Variants in RAB38 observed in about 807,000 individuals in gnomAD.
The protein encoded by RAB38 is RAB38, member RAS oncogene family, also known as ras-related protein Rab-38.
In RAB38, 15 loss-of-function variants were observed where a neutral mutation model predicts 18.4. The ratio of observed to expected loss-of-function variants is 0.82; its 90% CI spans 0.55 to 1.26. The LOEUF is 1.26. RAB38 is among the 50% of genes most tolerant of loss of function. RAB38 has a pLI of 0.00. For missense variants in RAB38, 294 were observed against 267.4 expected, an observed-to-expected ratio of 1.10 and a Z score of -0.69; for synonymous variants, 101 against 104.4, an observed-to-expected ratio of 0.97 and a Z score of 0.20.
the RAB38 span, among the ~76,000 whole-genome samples, chr11:87,973,427 G>A: frequency 6.6e-6 from 1 of 151,980 alleles, no homozygotes; most frequent in Non-Finnish European, 1.5e-5. Flanking sequence ...TCGGACCATA[G>A]GCAGCTCAGT....
At chr11:88,102,042 G>A in the RAB38 span, among the ~76,000 whole-genome samples, 33,780 of 151,732 alleles carry the variant, frequency 0.22, 5,512 homozygotes, top group African/African-American at 0.43. Flanking sequence ...AAGCTCTTAG[G>A]ACTGTGCCAG....
At chr11:87,907,711 T>G in the RAB38 span, among the ~76,000 whole-genome samples, 2 of 151,544 alleles carry the variant, frequency 1.3e-5, no homozygotes, top group South Asian at 2.1e-4. Flanking sequence ...AATAATCTGG[T>G]TTTTTTAAAA....
At chr11:87,945,189 C>T in the RAB38 span, among the ~76,000 whole-genome samples, 1 of 152,098 alleles carries the variant, frequency 6.6e-6, no homozygotes, top group African/African-American at 2.4e-5. Flanking sequence ...TTTTAACTTT[C>T]TGATTTTGTA....
At chr11:88,100,510 C>A in the RAB38 span, among the ~76,000 whole-genome samples, 161 of 151,956 alleles carry the variant, frequency 1.1e-3, 1 homozygote, top group African/African-American at 3.8e-3. Context: ...TCCACTAATC[C>A]AATCCATCAA....
the RAB38 span, among the ~76,000 whole-genome samples, chr11:87,885,918 GTTCTT>G: frequency 6.6e-6 from 1 of 151,972 alleles, no homozygotes; most frequent in Non-Finnish European, 1.5e-5. Flanking sequence ...TTGTCTCATA[GTTCTT>G]TTCTTTCTTT....
At chr11:87,912,935 T>C in the RAB38 span, among the ~76,000 whole-genome samples, 1 of 151,856 alleles carries the variant, frequency 6.6e-6, no homozygotes, top group East Asian at 1.9e-4. Flanking sequence ...TCTTAAATGT[T>C]GATATGCAGT....
intron 2 of RAB38, among the ~76,000 whole-genome samples, chr11:88,129,083 T>C (rs1565211561): frequency 1.3e-5 from 2 of 152,208 alleles, no homozygotes; most frequent in African/African-American, 4.8e-5. Context: ...AAGCAATGCA[T>C]AATTTTAAAA....
At chr11:87,841,138 T>C in the RAB38 span, among the ~76,000 whole-genome samples, 1 of 152,144 alleles carries the variant, frequency 6.6e-6, no homozygotes, top group Non-Finnish European at 1.5e-5. Context: ...CTGGTACATA[T>C]ATTTTAAAAG....
At chr11:87,920,925 G>A in the RAB38 span, among the ~76,000 whole-genome samples, 1 of 151,868 alleles carries the variant, frequency 6.6e-6, no homozygotes, top group African/African-American at 2.4e-5. Flanking sequence ...ACCACATATT[G>A]GGTAATCTAT....
At chr11:88,163,425 G>T (rs34349436) in intron 1 of RAB38, among the ~76,000 whole-genome samples, 1 of 152,056 alleles carries the variant, frequency 6.6e-6, no homozygotes, top group Non-Finnish European at 1.5e-5. Flanking sequence ...CCATTTTTAA[G>T]ATCCCATCTG....
At chr11:88,063,884 C>T in the RAB38 span, among the ~76,000 whole-genome samples, 1 of 152,230 alleles carries the variant, frequency 6.6e-6, no homozygotes, top group East Asian at 1.9e-4. Flanking sequence ...ATTACCCAGT[C>T]TCAAGTATGT....
the RAB38 span, among the ~76,000 whole-genome samples, chr11:88,063,898 T>C: frequency 6.6e-6 from 1 of 152,230 alleles, no homozygotes; most frequent in Non-Finnish European, 1.5e-5. Context: ...AGTATGTCTT[T>C]ATCAGCAGCA....
At chr11:88,011,305 A>G in the RAB38 span, among the ~76,000 whole-genome samples, 4 of 152,214 alleles carry the variant, frequency 2.6e-5, no homozygotes, top group African/African-American at 9.6e-5. Context: ...ACCACGTTGT[A>G]TAAGATAGGG....
At chr11:87,923,859 C>A in the RAB38 span, among the ~76,000 whole-genome samples, 2 of 151,276 alleles carry the variant, frequency 1.3e-5, no homozygotes, top group African/African-American at 2.4e-5. Flanking sequence ...AATCATCGAC[C>A]CAGAGAGAAT....
At chr11:87,912,703 T>C in the RAB38 span, among the ~76,000 whole-genome samples, 1 of 151,072 alleles carries the variant, frequency 6.6e-6, no homozygotes, top group Admixed American at 6.6e-5. Context: ...ATTTAATTGA[T>C]ATCCACTTTG....
At chr11:88,041,750 G>T in the RAB38 span, among the ~76,000 whole-genome samples, 3 of 152,088 alleles carry the variant, frequency 2.0e-5, no homozygotes, top group Non-Finnish European at 4.4e-5. Context: ...ACCTAGATAA[G>T]GGGAAAATAT....
At chr11:88,145,890 C>A (rs1438864098) in intron 2 of RAB38, among the ~76,000 whole-genome samples, 1 of 152,062 alleles carries the variant, frequency 6.6e-6, no homozygotes, top group Non-Finnish European at 1.5e-5. Flanking sequence ...CACATGATTA[C>A]CCCAATTATA....
the RAB38 span, among the ~76,000 whole-genome samples, chr11:87,842,666 G>A: frequency 1.3e-5 from 2 of 151,846 alleles, no homozygotes; most frequent in South Asian, 4.2e-4. Context: ...TTTTCTACTT[G>A]ATGTTTGCGT....
chr11:88,151,354 C>CA (rs1389868990), intron 1 of RAB38, among the ~76,000 whole-genome samples: 1 of 151,922 alleles, frequency 6.6e-6, no homozygotes, highest in Non-Finnish European at 1.5e-5. Flanking sequence ...GAGTTTGTGA[C>CA]AAAAAAATTA....
Sources: allele counts gnomAD v4.1 joint callset (sites outside exome capture counted in the v4.1 genomes callset), GRCh38; gene constraint gnomAD v4.1.1; transcripts MANE v1.5; gene names NCBI Gene and HGNC (gene_info 2026-07-23, HGNC 2026-07-21).